The following CENPP variants were observed in gnomAD, a reference collection of about 807,000 sequenced individuals.
The protein encoded by CENPP is centromere protein P.
A neutral mutation model predicts 35.6 loss-of-function variants in CENPP; 24 were observed. That is an observed-to-expected ratio of 0.67 (90% CI 0.49 to 0.95). The LOEUF is 0.95. Among genes scored for constraint, CENPP ranks in the 40% least tolerant of loss-of-function variants. CENPP has a pLI of 0.00. For synonymous variants in CENPP, 120 were observed against 125.5 expected, an observed-to-expected ratio of 0.96 and a Z score of 0.29; for missense variants, 332 against 345.3, an observed-to-expected ratio of 0.96 and a Z score of 0.31.
intron 5 of CENPP, among the ~76,000 whole-genome samples, chr9:92,606,317 C>T (rs1035346499): frequency 6.6e-6 from 1 of 152,052 alleles, no homozygotes; most frequent in Non-Finnish European, 1.5e-5. Flanking sequence ...AGAAGGTATA[C>T]AAATGACCAG....
intron 5 of CENPP, among the ~76,000 whole-genome samples, chr9:92,596,069 A>G (rs1230928759): frequency 6.6e-6 from 1 of 152,182 alleles, no homozygotes; most frequent in Non-Finnish European, 1.5e-5. Context: ...AGATTGAAAC[A>G]TACAGCATTT....
intron 5 of CENPP, among the ~76,000 whole-genome samples, chr9:92,458,701 G>A (rs1477407027): frequency 6.6e-6 from 1 of 152,176 alleles, no homozygotes; most frequent in Non-Finnish European, 1.5e-5. Context: ...GAGTTGTGGA[G>A]CAAATTAAGC....
rs1847392035 is a variant in CENPP, at chr9:92,512,201, C to T, written c.565-99113C>T. On this transcript the variant is annotated intron_variant, in intron 5 of 7. Coordinates refer to ENST00000375587, the MANE Select transcript of CENPP (RefSeq NM_001012267.3). Reference sequence around the variant, plus strand: ...GTACACACATGTATGGGCATGTGTGCATAGATATCAAGAGAGAGCTTTGTC... The same window carrying T: ...GTACACACATGTATGGGCATGTGTGTATAGATATCAAGAGAGAGCTTTGTC... 8.9e-6 allele frequency: 8 copies of T among 896,806 alleles called. No individual in the cohort carries two copies. The South Asian group carries it at 1.0e-4, about 11-fold the overall frequency. 55.6% of individuals were successfully genotyped at this position (896,806 alleles called of 1,614,324 possible).
At chr9:92,389,004 G>A (rs1369353195) in intron 5 of CENPP, among the ~76,000 whole-genome samples, 1 of 152,038 alleles carries the variant, frequency 6.6e-6, no homozygotes, top group Non-Finnish European at 1.5e-5. Context: ...TGGACTATTT[G>A]TACACTTTCT....
At chr9:92,466,156 G>A (rs541168851) in intron 5 of CENPP, among the ~76,000 whole-genome samples, 1 of 152,276 alleles carries the variant, frequency 6.6e-6, no homozygotes, top group East Asian at 1.9e-4. Flanking sequence ...TTCAGGGAGA[G>A]AGAGACAGTA....
At chr9:92,534,824 A>G (rs142462617) in intron 5 of CENPP, among the ~76,000 whole-genome samples, 1 of 152,224 alleles carries the variant, frequency 6.6e-6, no homozygotes, top group Non-Finnish European at 1.5e-5. Context: ...TCTGCAATGC[A>G]TGAAATGTAT....
chr9:92,415,756 T>C (rs1052097760), intron 5 of CENPP, among the ~76,000 whole-genome samples: 1 of 148,974 alleles, frequency 6.7e-6, no homozygotes, highest in African/African-American at 2.4e-5. Flanking sequence ...TCCCACTACT[T>C]AGGATACTCA....
chr9:92,336,947 A>G (rs1840949226), intron 2 of CENPP, among the ~76,000 whole-genome samples: 1 of 152,242 alleles, frequency 6.6e-6, no homozygotes, highest in Non-Finnish European at 1.5e-5. Context: ...AATAAAAAGC[A>G]TTGAACAGTT....
At chr9:92,611,198 C>T (rs778370859) in intron 5 of CENPP, 116 bp from the exon 6 acceptor site, 23 of 800,902 alleles carry the variant, frequency 2.9e-5, no homozygotes, top group Non-Finnish European at 4.5e-5. Context: ...ATGGATGCTG[C>T]GCAAACACTC....
At position 92,391,480 on chromosome 9, in the gene CENPP, T is replaced by TTGCGAGACC. The variant is rs1322157841; in HGVS notation, c.564+11621_564+11622insTGCGAGACC. On this transcript the variant is annotated intron_variant, in intron 5 of 7. Transcript: ENST00000375587. Reference sequence around the variant, plus strand: ...CAGGTGTGGTGGCACATGCCTGTAGTCTCAGCTACTTGCGAGACTGAGGGA... The same window carrying TTGCGAGACC: ...CAGGTGTGGTGGCACATGCCTGTAGTTGCGAGACCCTCAGCTACTTGCGAGACTGAGGGA... Among the ~76,000 whole-genome samples, 85 of 152,134 alleles carry TTGCGAGACC rather than the reference T, an allele frequency of 5.6e-4. 1 individual carries two copies. Among genetic ancestry groups the TTGCGAGACC allele is most frequent in the African/African-American group, 1.7e-3 (71 of 41,512 alleles).
At chr9:92,387,666 T>C (rs1393415287) in intron 5 of CENPP, among the ~76,000 whole-genome samples, 1 of 152,232 alleles carries the variant, frequency 6.6e-6, no homozygotes, top group East Asian at 1.9e-4. Context: ...GTCTTCCCAG[T>C]GAGTCTCATT....
intron 5 of CENPP, among the ~76,000 whole-genome samples, chr9:92,503,219 G>T (rs186139771): frequency 3.3e-5 from 5 of 152,118 alleles, no homozygotes; most frequent in Admixed American, 1.3e-4. Context: ...AATTATACAA[G>T]GCTCTCTATT....
chr9:92,432,141 A>T lies in CENPP; in HGVS notation c.564+52282A>T, dbSNP rs183534061. On this transcript the variant is annotated intron_variant, in intron 5 of 7. Coordinates refer to ENST00000375587, the MANE Select transcript of CENPP (RefSeq NM_001012267.3). ...GGAGTTCGAGACCAGCCTGACCAAC[A>T]TGGCAAAACCCGGTCTCTACTAAAA... Among the ~76,000 whole-genome samples the T allele has an allele frequency of 5.9e-5, 9 of 152,208 alleles. No individual in the cohort carries two copies. In the East Asian group the frequency reaches 1.7e-3, roughly 30 times the overall value.
At chr9:92,382,892 CTTTTTTTTTTTTTT>C (rs1213731251) in intron 5 of CENPP, among the ~76,000 whole-genome samples, 1 of 69,812 alleles carries the variant, frequency 1.4e-5, no homozygotes, top group Non-Finnish European at 2.7e-5. Flanking sequence ...CACTGTTTTC[CTTTTTTTTTTTTTT>C]TTTTTTTTTT....
At chr9:92,328,087 A>G (rs192889181) in intron 1 of CENPP, among the ~76,000 whole-genome samples, 119 of 152,220 alleles carry the variant, frequency 7.8e-4, no homozygotes, top group African/African-American at 2.5e-3. Context: ...CCCTTGACCA[A>G]GAGGGAGTCG....
At chr9:92,603,854 T>C (rs1850997470) in intron 5 of CENPP, among the ~76,000 whole-genome samples, 3 of 152,114 alleles carry the variant, frequency 2.0e-5, no homozygotes. Flanking sequence ...TGTGATCCTT[T>C]CCAAATGACA....
intron 5 of CENPP, among the ~76,000 whole-genome samples, chr9:92,481,732 A>G (rs984713995): frequency 2.6e-5 from 4 of 152,208 alleles, no homozygotes; most frequent in Non-Finnish European, 4.4e-5. Context: ...GGAATTGAAT[A>G]GATTTCCATT....
chr9:92,441,234 A>G (rs1844379283), intron 5 of CENPP, among the ~76,000 whole-genome samples: 1 of 152,208 alleles, frequency 6.6e-6, no homozygotes, highest in Admixed American at 6.5e-5. Flanking sequence ...TTTTCTATAC[A>G]TATATCAAAC....
Position 92,453,969 on chromosome 9 carries a change from A to G in CENPP, c.564+74110A>G, listed in dbSNP as rs1038361238. Reference sequence around the variant, plus strand: ...AGACCTCATCTCAGGAAAAAAAAGAAAAAAAAAAAGTTTTTGTTTTAGTGA... The same window carrying G: ...AGACCTCATCTCAGGAAAAAAAAGAGAAAAAAAAAGTTTTTGTTTTAGTGA... On this transcript the variant is annotated intron_variant, in intron 5 of 7. Transcript: ENST00000375587. Among the ~76,000 whole-genome samples, 15 of 150,566 alleles carry G rather than the reference A, an allele frequency of 1.0e-4. 1 individual carries two copies. Among genetic ancestry groups the G allele is most frequent in the African/African-American group, 2.4e-5 (1 of 40,980 alleles).
Sources: allele counts gnomAD v4.1 joint callset (sites outside exome capture counted in the v4.1 genomes callset), GRCh38; gene constraint gnomAD v4.1.1; transcripts MANE v1.5; gene names NCBI Gene and HGNC (gene_info 2026-07-23, HGNC 2026-07-21).